KDM5B: variants seen among roughly 807,000 people sequenced by gnomAD.
The protein encoded by KDM5B is lysine demethylase 5B.
KDM5B carries 144 observed loss-of-function variants against 193.4 expected under a neutral mutation model. The ratio of observed to expected loss-of-function variants is 0.74; its 90% CI spans 0.65 to 0.86. The LOEUF (loss-of-function observed/expected upper bound fraction) is 0.86. KDM5B is among the 40% of genes least tolerant of loss of function. KDM5B has a pLI of 0.00. For missense variants in KDM5B, 1,833 were observed against 1,886.9 expected (o/e 0.97, Z 0.53); for synonymous variants, 668 against 682.6 (o/e 0.98, Z 0.33).
In KDM5B at chr1:202,729,018, G is replaced by C. The variant is rs769374832; in HGVS notation, c.*18C>G. The stretch of plus-strand genomic sequence containing the variant: ...GTCCTGAATTACATTAAGTAGGGGG[G>C]TATCTGTTTTTGTGTTTTTACTTTC... On this transcript the variant is annotated 3_prime_UTR_variant, in exon 27 of 27. Coordinates refer to ENST00000367265, the MANE Select transcript of KDM5B (RefSeq NM_006618.5). 1 of 1,613,686 alleles carries C rather than the reference G, an allele frequency of 6.2e-7. No homozygotes were observed.
Position 202,730,937 on chromosome 1 carries a change from C to T in KDM5B, c.4148G>A (p.Ser1383Asn). 6.2e-7 allele frequency: 1 copy of T among 1,611,050 alleles called. No individual in the cohort carries two copies. The highest frequency in any genetic ancestry group is 1.7e-5 in the Admixed American group (1 of 59,662). Residue 1383 changes from serine to asparagine, a missense_variant, in exon 25 of 27, where the codon AGC (serine) becomes AAC (asparagine). Ser to Asn is a conservative substitution (Grantham distance 46, BLOSUM62 1). This residue lies in a region of KDM5B where 1,379 missense variants were observed against 1,349.6 expected (regional missense o/e 1.02). Transcript: ENST00000367265. ...CTCACTGCTGGGTCTCACTGGTGAGCTTCGGTCAGTCTGCTGAGCAGGGCT... is the reference window on the plus strand; with the variant it reads ...CTCACTGCTGGGTCTCACTGGTGAGTTTCGGTCAGTCTGCTGAGCAGGGCT... ...KPSPAQQTDR[S>N]SPVRPSSEKN...
chr1:202,801,547 A>G (rs1658074950), intron 1 of KDM5B, among the ~76,000 whole-genome samples: 1 of 152,218 alleles, frequency 6.6e-6, no homozygotes, highest in Non-Finnish European at 1.5e-5. Context: ...AAATTCAAAG[A>G]ATTCATCTAA....
intron 1 of KDM5B, among the ~76,000 whole-genome samples, chr1:202,804,459 G>A (rs1558524396): frequency 6.6e-6 from 1 of 152,052 alleles, no homozygotes; most frequent in Non-Finnish European, 1.5e-5. Flanking sequence ...CGCTGGAAAG[G>A]GAGTAAATGA....
intron 1 of KDM5B, among the ~76,000 whole-genome samples, chr1:202,807,537 C>A (rs945742344): frequency 3.3e-5 from 5 of 151,988 alleles, no homozygotes; most frequent in Non-Finnish European, 7.4e-5. Context: ...GAGGGTGGGG[C>A]GCCCAGGTGA....
Position 202,767,089 on chromosome 1 carries a change from CCCT to C in KDM5B, c.577-32_577-30del, listed in dbSNP as rs563764098. On this transcript the variant is annotated intron_variant, in intron 4 of 26. Transcript: ENST00000367265. Reference sequence around the variant, plus strand: ...GAAATAACAACTGTACTGATAAATTCCCTCCTTTTTTTTTTCACATCATAAGTT... The same window carrying C: ...GAAATAACAACTGTACTGATAAATTCCCTTTTTTTTTTCACATCATAAGTT... 5.9e-4 allele frequency: 942 copies of C among 1,604,864 alleles called. 1 individual carries two copies. Among genetic ancestry groups the C allele is most frequent in the Middle Eastern group, 3.4e-3 (20 of 5,968 alleles).
In KDM5B at chr1:202,795,335, G is replaced by T. The variant is rs562670892; in HGVS notation, c.204+12767C>A. Among the ~76,000 whole-genome samples the T allele has an allele frequency of 1.8e-3, 280 of 152,036 alleles. 1 individual carries two copies. The highest frequency in any genetic ancestry group is 6.1e-3 in the African/African-American group (255 of 41,470). ...CAGCAGTTGACAAATTCTATCCGTGGTTTTCCTTTCTGCAGATAAGAGGAG... is the reference window on the plus strand; with the variant it reads ...CAGCAGTTGACAAATTCTATCCGTGTTTTTCCTTTCTGCAGATAAGAGGAG... On this transcript the variant is annotated intron_variant, in intron 1 of 26. Coordinates refer to ENST00000367265, the MANE Select transcript of KDM5B (RefSeq NM_006618.5).
At chr1:202,757,388 A>G (rs1558495963) in intron 9 of KDM5B, among the ~76,000 whole-genome samples, 1 of 152,242 alleles carries the variant, frequency 6.6e-6, no homozygotes. Context: ...TAGAATAAAG[A>G]GTCACCAGAC....
intron 1 of KDM5B, among the ~76,000 whole-genome samples, chr1:202,790,315 C>T (rs966535448): frequency 1.3e-5 from 2 of 152,166 alleles, no homozygotes; most frequent in African/African-American, 2.4e-5. Context: ...CAGTGGCTCA[C>T]GCTTGTAACC....
At chr1:202,792,568 C>A (rs1325195399) in intron 1 of KDM5B, among the ~76,000 whole-genome samples, 3 of 152,006 alleles carry the variant, frequency 2.0e-5, no homozygotes, top group African/African-American at 7.2e-5. Context: ...GGGCTAAGTT[C>A]AAAAATACTG....
intron 10 of KDM5B, 98 bp downstream of exon 10, chr1:202,756,260 G>T (rs1240019547): frequency 4.2e-6 from 4 of 957,576 alleles, no homozygotes; most frequent in Non-Finnish European, 6.2e-6. Flanking sequence ...TAAAAATCTG[G>T]TAATTAAGGA....
At position 202,735,582 on chromosome 1, in the gene KDM5B, C is replaced by T. The variant is rs141505414; in HGVS notation, c.3270G>A (p.Leu1090=). 3.6e-4 allele frequency: 583 copies of T among 1,613,614 alleles called. 3 individuals carry two copies. Among genetic ancestry groups the T allele is most frequent in the East Asian group, 4.5e-5 (2 of 44,862 alleles). The change falls in exon 22 of 27, where the codon CTG becomes CTA. Residue 1090 remains leucine (L), a synonymous_variant. Transcript: ENST00000367265. ...ENSPYSLLEV[L]CPRCDIGLLG... ...AAAGGCCAATATCACATCGAGGACA[C>T]AGCACCTAATGTGGGACAAGGCACA...
Position 202,756,410 on chromosome 1 carries a change from C to A in KDM5B, c.1304G>T (p.Gly435Val). The A allele has an allele frequency of 6.2e-7, 1 of 1,613,558 alleles. No individual in the cohort carries two copies. Among genetic ancestry groups the A allele is most frequent in the East Asian group, 2.2e-5 (1 of 44,846 alleles). ...CCCATCTCGGACAGGAAAGCCACTG[C>A]CAAATTCCTTTGAGGCAATGTCAGC... ...YGADIASKEF[G>V]SGFPVRDGKI... Residue 435 changes from glycine (G) to valine (V), a missense_variant, in exon 10 of 27, where the codon GGC becomes GTC. This residue lies in a region of KDM5B where 1,379 missense variants were observed against 1,349.6 expected (regional missense o/e 1.02). Coordinates refer to ENST00000367265, the MANE Select transcript of KDM5B (RefSeq NM_006618.5).
intron 1 of KDM5B, among the ~76,000 whole-genome samples, chr1:202,802,549 T>C (rs1658119588): frequency 6.6e-6 from 1 of 152,048 alleles, no homozygotes; most frequent in African/African-American, 2.4e-5. Context: ...CCTGCCACCA[T>C]GCCCAGCTAA....
At chr1:202,775,263 T>C (rs147451891) in intron 2 of KDM5B, among the ~76,000 whole-genome samples, 13 of 148,154 alleles carry the variant, frequency 8.8e-5, no homozygotes, top group African/African-American at 3.2e-4. Context: ...TACGACTGGG[T>C]GCAGTGGCTC....
chr1:202,760,222 G>A (rs532491362), intron 8 of KDM5B, among the ~76,000 whole-genome samples, 193 bp downstream of exon 8: 19 of 152,216 alleles, frequency 1.2e-4, no homozygotes, highest in Middle Eastern at 6.8e-3. Context: ...GGGCTGAGGT[G>A]GGAGAACTGC....
At chr1:202,738,506 A>T (rs1261957323) in intron 20 of KDM5B, among the ~76,000 whole-genome samples, 1 of 152,234 alleles carries the variant, frequency 6.6e-6, no homozygotes, top group Non-Finnish European at 1.5e-5. Context: ...TAATCTCCTC[A>T]AACAATATAT....
intron 1 of KDM5B, among the ~76,000 whole-genome samples, chr1:202,803,317 TG>T (rs1658151848): frequency 6.6e-6 from 1 of 152,014 alleles, no homozygotes; most frequent in Non-Finnish European, 1.5e-5. Flanking sequence ...CCAGTGGGGG[TG>T]GGGACTCAAA....
rs181897314 is a variant in KDM5B at position 202,745,717 on chromosome 1, G to A, written c.2323+141C>T. 1.3e-5 allele frequency: 11 copies of A among 862,968 alleles called. No individual in the cohort carries two copies. In the African/African-American group the frequency reaches 1.5e-4, roughly 12 times the overall value. 53.5% of individuals were successfully genotyped at this position (862,968 alleles called of 1,614,324 possible). On this transcript the variant is annotated intron_variant, in intron 16 of 26. Coordinates refer to ENST00000367265, the MANE Select transcript of KDM5B (RefSeq NM_006618.5). ...TGGTTTTAAAACCTTCTCTGCCGGT[G>A]CTCTGTAAACCGGGCTATGTAGAGG...
At chr1:202,748,382 A>C (rs1037471384) in intron 14 of KDM5B, among the ~76,000 whole-genome samples, 1 of 152,186 alleles carries the variant, frequency 6.6e-6, no homozygotes, top group African/African-American at 2.4e-5. Context: ...CATGATTCAC[A>C]CAAGAAAATA....
Sources: allele counts gnomAD v4.1 joint callset (sites outside exome capture counted in the v4.1 genomes callset), GRCh38; gene constraint gnomAD v4.1.1; regional missense constraint gnomAD v4.1.1; transcripts MANE v1.5; gene names NCBI Gene and HGNC (gene_info 2026-07-23, HGNC 2026-07-21).